The following ACO1 variants were observed in gnomAD, a reference collection of about 807,000 sequenced individuals.
ACO1 encodes the protein cytoplasmic aconitate hydratase.
In ACO1, 78 loss-of-function variants were observed where a neutral mutation model predicts 105.1. The observed-to-expected ratio is 0.74, with a 90% confidence interval of 0.62 to 0.90. ACO1 has a LOEUF of 0.90. Ranked by LOEUF, ACO1 falls within the 40% of genes least tolerant of loss-of-function variation. The probability of loss-of-function intolerance (pLI) is 0.00; values close to 1 mark genes in which losing one functional copy is unlikely to be tolerated. For synonymous variants in ACO1, 364 were observed against 397.4 expected (o/e 0.92, Z 1.00); for missense variants, 965 against 1,111.1 (o/e 0.87, Z 1.87).
intron 12 of ACO1, among the ~76,000 whole-genome samples, chr9:32,429,075 C>T (rs1202943487): frequency 1.3e-5 from 2 of 152,144 alleles, no homozygotes; most frequent in Non-Finnish European, 2.9e-5. Context: ...TTATTCCTGA[C>T]TTATGACATA....
rs1320989041 is a variant in ACO1, at chr9:32,423,332, AAAATT to A, written c.988_992del (p.Leu330ValfsTer3). 5 of 1,590,024 alleles carry A rather than the reference AAAATT, an allele frequency of 3.1e-6. No individual in the cohort carries two copies. The highest frequency in any genetic ancestry group is 4.3e-6 in the Non-Finnish European group (5 of 1,171,524). ...AATGCCTTTTAGGTCGTGATGAAGAAAAATTAAAGTATATTAAAAAATATCTTCAG... is the reference window on the plus strand; with the variant it reads ...AATGCCTTTTAGGTCGTGATGAAGAAAAAGTATATTAAAAAATATCTTCAG... On this transcript the variant is annotated frameshift_variant, in exon 9 of 21. Transcript: ENST00000309951. LOFTEE classifies it high-confidence loss of function.
At chr9:32,447,874 TTGCCTGGG>T (rs1477896436) in intron 19 of ACO1, among the ~76,000 whole-genome samples, 3 of 152,200 alleles carry the variant, frequency 2.0e-5, no homozygotes, top group Admixed American at 6.5e-5. Flanking sequence ...CAGACCCTGT[TTGCCTGGG>T]TATCACCAGC....
At chr9:32,397,558 AT>A (rs1212742612) in intron 1 of ACO1, among the ~76,000 whole-genome samples, 12 of 152,220 alleles carry the variant, frequency 7.9e-5, no homozygotes, top group African/African-American at 2.7e-4. Context: ...CATCCTTGGA[AT>A]TTTACTTTTG....
chr9:32,425,927 T>G lies in ACO1; in HGVS notation c.1278T>G (p.His426Gln). 1.9e-6 allele frequency: 3 copies of G among 1,614,186 alleles called. No individual in the cohort carries two copies. The highest frequency in any genetic ancestry group is 2.5e-6 in the Non-Finnish European group (3 of 1,180,006). The change falls in exon 11 of 21, where the codon CAT (histidine) becomes CAG (glutamine). Residue 426 changes from histidine (H) to glutamine (Q), a missense_variant. His to Gln is a conservative substitution (Grantham distance 24). Transcript: ENST00000309951. ...IYDNTEFTLA[H>Q]GSVVIAAITS... ...ATAACACTGAATTCACCCTTGCTCATGGTTCTGTGGTCATTGCTGCCATTA... is the reference window on the plus strand; with the variant it reads ...ATAACACTGAATTCACCCTTGCTCAGGGTTCTGTGGTCATTGCTGCCATTA...
At position 32,418,105 on chromosome 9, in the gene ACO1, CATTTA is replaced by C. The variant is rs1821890184; in HGVS notation, c.405-18_405-14del. The C allele has an allele frequency of 6.2e-7, 1 of 1,608,748 alleles. No individual in the cohort carries two copies. The highest frequency in any genetic ancestry group is 8.5e-7 in the Non-Finnish European group (1 of 1,175,750). ...AATATGTTAAGTCTCAAATTGTATA[CATTTA>C]ATTTTTCTCTCTGACAGGGCAGACA... On this transcript the variant is annotated intron_variant, in intron 4 of 20. Coordinates refer to ENST00000309951, the MANE Select transcript of ACO1 (RefSeq NM_002197.3).
In ACO1 at chr9:32,424,661, C is replaced by A. The variant is rs3814519; in HGVS notation, c.1184C>A (p.Ala395Asp). ...MKKDFESCLG[A>D]KQGFKGFQVA... ...AAGGACTTTGAGAGCTGCCTTGGAGCCAAGGTAGGGGCCTGCGGGAAGAGG... is the reference window on the plus strand; with the variant it reads ...AAGGACTTTGAGAGCTGCCTTGGAGACAAGGTAGGGGCCTGCGGGAAGAGG... The change falls in exon 10 of 21, where the codon GCC becomes GAC. Residue 395 changes from alanine (A) to aspartate (D), a missense_variant. Ala to Asp is a moderately radical substitution (Grantham distance 126). Transcript: ENST00000309951. 3,221 of 1,612,016 alleles carry A rather than the reference C, an allele frequency of 2.0e-3. 117 individuals are homozygous for A. In the East Asian group the frequency reaches 0.065, roughly 32 times the overall value.
At chr9:32,419,584 T>A (rs1192391308) in intron 7 of ACO1, among the ~76,000 whole-genome samples, 5 of 152,254 alleles carry the variant, frequency 3.3e-5, no homozygotes, top group African/African-American at 1.2e-4. Flanking sequence ...CTAGAAATAA[T>A]CACTATCCTG....
intron 14 of ACO1, 98 bp downstream of exon 14, chr9:32,430,672 C>A: frequency 7.7e-7 from 1 of 1,301,738 alleles, no homozygotes; most frequent in Non-Finnish European, 1.1e-6. Flanking sequence ...AGCATAGAGC[C>A]TCCAGGGATA....
chr9:32,399,966 G>GTTTTTTGT (rs1821455017), intron 1 of ACO1, among the ~76,000 whole-genome samples: 11 of 69,834 alleles, frequency 1.6e-4, no homozygotes, highest in Admixed American at 2.2e-4. Context: ...TTCTTTTTCT[G>GTTTTTTGT]TTTTTTTTTT....
intron 1 of ACO1, among the ~76,000 whole-genome samples, chr9:32,400,845 T>TA (rs1821479681): frequency 1.3e-5 from 2 of 152,204 alleles, no homozygotes; most frequent in South Asian, 4.1e-4. Flanking sequence ...TACAATGTGT[T>TA]ATTCTATTTG....
rs1310816416 is a variant in ACO1, at chr9:32,418,201, TG to T, written c.474+7del. 6.2e-7 allele frequency: 1 copy of T among 1,614,164 alleles called. No homozygotes were observed. Among genetic ancestry groups the T allele is most frequent in the African/African-American group, 1.3e-5 (1 of 75,046 alleles). On this transcript the variant is annotated splice_donor_5th_base_variant and intron_variant, in intron 5 of 20. Transcript: ENST00000309951. ...AGAGCGATTTGAATTTTTAAAGGTA[TG>T]GGCAGGGTCTGGTTCCATTGTTTGG...
At chr9:32,418,227 GT>G in intron 5 of ACO1, 30 bp downstream of exon 5, 1 of 1,613,758 alleles carries the variant, frequency 6.2e-7, no homozygotes, top group Non-Finnish European at 8.5e-7. Flanking sequence ...CCATTGTTTG[GT>G]TTTCTTTGTA....
intron 19 of ACO1, among the ~76,000 whole-genome samples, chr9:32,447,065 A>AGTATCTTTGTGGTGT (rs1822629519): frequency 6.6e-6 from 1 of 151,078 alleles, no homozygotes; most frequent in South Asian, 2.1e-4. Flanking sequence ...GGTCTTGTTG[A>AGTATCTTTGTGGTGT]GTATCTTTGT....
At chr9:32,427,833 T>G (rs761038738) in intron 12 of ACO1, among the ~76,000 whole-genome samples, 3 of 152,260 alleles carry the variant, frequency 2.0e-5, no homozygotes, top group Non-Finnish European at 2.9e-5. Flanking sequence ...AACTTTTAAG[T>G]TTATTGAAAC....
At chr9:32,412,784 G>C (rs1392469105) in intron 4 of ACO1, among the ~76,000 whole-genome samples, 2 of 152,146 alleles carry the variant, frequency 1.3e-5, no homozygotes, top group African/African-American at 2.4e-5. Flanking sequence ...GTTTGAGATA[G>C]GATAAAGACC....
chr9:32,430,605 T>C, intron 14 of ACO1, 31 bp downstream of exon 14: 1 of 1,569,244 alleles, frequency 6.4e-7, no homozygotes, highest in Non-Finnish European at 8.6e-7. Context: ...CCATAATTTT[T>C]TTCCAGTGAA....
At chr9:32,405,977 C>A (rs554893074) in intron 2 of ACO1, among the ~76,000 whole-genome samples, 10 of 152,320 alleles carry the variant, frequency 6.6e-5, no homozygotes, top group Middle Eastern at 3.4e-3. Flanking sequence ...GACAAGAACA[C>A]AGTCTTTTTT....
At chr9:32,425,087 C>T (rs1422033094) in intron 10 of ACO1, among the ~76,000 whole-genome samples, 3 of 152,244 alleles carry the variant, frequency 2.0e-5, no homozygotes, top group African/African-American at 4.8e-5. Flanking sequence ...TCCCCTTTCC[C>T]TTATTGGACA....
intron 15 of ACO1, among the ~76,000 whole-genome samples, chr9:32,432,579 C>T (rs1034665739): frequency 6.6e-6 from 1 of 152,140 alleles, no homozygotes; most frequent in African/African-American, 2.4e-5. Flanking sequence ...AGTTAATGGA[C>T]CTGTGGACAG....
Sources: allele counts gnomAD v4.1 joint callset (sites outside exome capture counted in the v4.1 genomes callset), GRCh38; gene constraint gnomAD v4.1.1; transcripts MANE v1.5; gene names NCBI Gene and HGNC (gene_info 2026-07-23, HGNC 2026-07-21).